Variants in UBE3C observed in about 807,000 individuals in gnomAD.
The protein encoded by UBE3C is ubiquitin protein ligase E3C.
Under a neutral mutation model 129.4 loss-of-function variants are expected in UBE3C, and 42 were observed. That is an observed-to-expected ratio of 0.32 (90% CI 0.25 to 0.42). UBE3C has a LOEUF of 0.42. Ranked by LOEUF, UBE3C falls within the 10% of genes least tolerant of loss-of-function variation. UBE3C has a pLI of 1.00. For missense variants in UBE3C, 1,049 were observed against 1,319.1 expected (o/e 0.80, Z 3.17); for synonymous variants, 510 against 492.4 (o/e 1.04, Z -0.47).
At chr7:157,159,087 A>G (rs976644949) in intron 1 of UBE3C, among the ~76,000 whole-genome samples, 1 of 152,210 alleles carries the variant, frequency 6.6e-6, no homozygotes, top group Non-Finnish European at 1.5e-5. Context: ...GGCGGTAACT[A>G]CCAGCACCCA....
chr7:157,156,300 C>CTTTTTTTTTT (rs1173730075), intron 1 of UBE3C, among the ~76,000 whole-genome samples: 4 of 85,886 alleles, frequency 4.7e-5, no homozygotes, highest in East Asian at 3.4e-4. Flanking sequence ...ACCCCCAGTT[C>CTTTTTTTTTT]TTTTTTTTTT....
intron 18 of UBE3C, among the ~76,000 whole-genome samples, chr7:157,234,573 C>T (rs1048267813): frequency 6.6e-6 from 1 of 152,116 alleles, no homozygotes; most frequent in Non-Finnish European, 1.5e-5. Flanking sequence ...TAGAATAATT[C>T]CCCTTTATTT....
At chr7:157,162,384 G>A (rs975828867) in intron 1 of UBE3C, among the ~76,000 whole-genome samples, 7 of 151,708 alleles carry the variant, frequency 4.6e-5, no homozygotes, top group African/African-American at 1.5e-4. Flanking sequence ...TAGTAGAGAC[G>A]GGGTTTCACT....
At chr7:157,191,354 T>C (rs1808961490) in intron 10 of UBE3C, among the ~76,000 whole-genome samples, 2 of 152,244 alleles carry the variant, frequency 1.3e-5, no homozygotes, top group South Asian at 4.1e-4. Context: ...TGCCGTGGCG[T>C]GATCTCAGCT....
chr7:157,155,095 A>G (rs962927909), intron 1 of UBE3C, among the ~76,000 whole-genome samples: 2 of 152,170 alleles, frequency 1.3e-5, no homozygotes, highest in Non-Finnish European at 2.9e-5. Context: ...ATGCACCTGT[A>G]AGTATGTTTT....
intron 22 of UBE3C, among the ~76,000 whole-genome samples, chr7:157,263,521 A>G (rs1340945835): frequency 6.6e-6 from 1 of 152,068 alleles, no homozygotes; most frequent in Non-Finnish European, 1.5e-5. Context: ...AAAATTAGCT[A>G]GGTGTGATGA....
intron 4 of UBE3C, among the ~76,000 whole-genome samples, chr7:157,171,916 A>T (rs1414795312): frequency 8.6e-5 from 13 of 151,046 alleles, no homozygotes; most frequent in Non-Finnish European, 1.9e-4. Flanking sequence ...CATGTTGGGC[A>T]GGCTGGTCTC....
intron 18 of UBE3C, among the ~76,000 whole-genome samples, chr7:157,234,674 C>T (rs372374777): frequency 6.6e-6 from 1 of 152,310 alleles, no homozygotes; most frequent in Admixed American, 6.5e-5. Context: ...TGAGAAAGGG[C>T]TCCAACCTGA....
intron 18 of UBE3C, among the ~76,000 whole-genome samples, chr7:157,239,137 A>T (rs1182396): frequency 6.6e-6 from 1 of 152,000 alleles, no homozygotes; most frequent in South Asian, 2.1e-4. Context: ...TGTACCTATT[A>T]ATTAGAATAC....
intron 14 of UBE3C, among the ~76,000 whole-genome samples, chr7:157,218,490 G>A (rs773261205): frequency 1.5e-4 from 23 of 152,072 alleles, no homozygotes; most frequent in Non-Finnish European, 3.1e-4. Flanking sequence ...AATATTCGAG[G>A]AGAGAAAACA....
At chr7:157,218,433 A>T (rs1795640984) in intron 14 of UBE3C, among the ~76,000 whole-genome samples, 2 of 152,150 alleles carry the variant, frequency 1.3e-5, no homozygotes, top group South Asian at 2.1e-4. Context: ...TGGGCGACAG[A>T]GCAAGATTCC....
intron 5 of UBE3C, among the ~76,000 whole-genome samples, chr7:157,177,314 C>G (rs1032048583): frequency 1.4e-4 from 22 of 152,138 alleles, no homozygotes; most frequent in African/African-American, 5.1e-4. Flanking sequence ...AGAGTCTGTT[C>G]AAATCTTTTA....
chr7:157,216,777 T>C lies in UBE3C; in HGVS notation c.1810-90T>C. 4 of 1,021,174 alleles carry C rather than the reference T, an allele frequency of 3.9e-6. No individual in the cohort carries two copies. The Admixed American group carries it at 8.8e-5, about 23-fold the overall frequency. The allele number at this position is 1,021,174 out of a possible 1,614,324, so 63.3% of individuals were successfully genotyped here. On this transcript the variant is annotated intron_variant, in intron 13 of 22. Coordinates refer to ENST00000348165, the MANE Select transcript of UBE3C (RefSeq NM_014671.3). ...TCGACCTGGGTTCCTGCACCACCGCTGTGTGCTCCTCCTCGAGTGAATGTA... is the reference window on the plus strand; with the variant it reads ...TCGACCTGGGTTCCTGCACCACCGCCGTGTGCTCCTCCTCGAGTGAATGTA...
intron 1 of UBE3C, among the ~76,000 whole-genome samples, chr7:157,148,490 C>T (rs796588900): frequency 6.6e-5 from 10 of 151,978 alleles, no homozygotes; most frequent in African/African-American, 2.4e-4. Flanking sequence ...TGTAAAACTG[C>T]CCTCTATTAT....
intron 17 of UBE3C, among the ~76,000 whole-genome samples, chr7:157,226,870 TTG>T (rs1795894141): frequency 1.3e-5 from 2 of 152,126 alleles, no homozygotes; most frequent in South Asian, 4.1e-4. Flanking sequence ...GCCTAGCAGA[TTG>T]TGTTTTCAGA....
In UBE3C at chr7:157,230,973, T is replaced by C; in HGVS notation, c.2234-107T>C. ...CTGTTTTGAGTCCTATGTTAAAATGTCCCTAAGATCCTCACACCCCTTCCT... is the reference window on the plus strand; with the variant it reads ...CTGTTTTGAGTCCTATGTTAAAATGCCCCTAAGATCCTCACACCCCTTCCT... On this transcript the variant is annotated intron_variant, in intron 17 of 22. Coordinates refer to ENST00000348165, the MANE Select transcript of UBE3C (RefSeq NM_014671.3). The C allele has an allele frequency of 2.8e-6, 4 of 1,437,286 alleles. No homozygotes were observed. The East Asian group carries it at 9.1e-5, about 33-fold the overall frequency. 89.0% of individuals were successfully genotyped at this position (1,437,286 alleles called of 1,614,324 possible).
At chr7:157,258,646 G>A (rs2116703882) in intron 22 of UBE3C, among the ~76,000 whole-genome samples, 1 of 152,166 alleles carries the variant, frequency 6.6e-6, no homozygotes, top group East Asian at 1.9e-4. Context: ...TTTTAGTAGA[G>A]ACGGGGTTTC....
intron 19 of UBE3C, among the ~76,000 whole-genome samples, chr7:157,249,249 C>T (rs1392826992): frequency 6.6e-6 from 1 of 152,112 alleles, no homozygotes; most frequent in East Asian, 1.9e-4. Flanking sequence ...GCTCCCCCAC[C>T]TCCCGCAGGC....
rs1044745745 is a variant in UBE3C at position 157,269,059 on chromosome 7, T to C, written c.*1304T>C. 4 of 152,650 alleles carry C rather than the reference T, an allele frequency of 2.6e-5. No homozygotes were observed. The highest frequency in any genetic ancestry group is 5.9e-5 in the Non-Finnish European group (4 of 68,044). The allele number at this position is 152,650 out of a possible 1,614,324, so 9.5% of individuals were successfully genotyped here. On this transcript the variant is annotated 3_prime_UTR_variant, in exon 23 of 23. Transcript: ENST00000348165. ...ATGACACTTTTAAGACAATGAACAT[T>C]ATCAAAACAAAATGTATAATTTCTT...
Sources: gnomAD v4.1 joint callset for allele counts (sites outside exome capture counted in the v4.1 genomes callset) on GRCh38, gnomAD v4.1.1 for gene constraint, MANE v1.5 for transcripts, NCBI Gene and HGNC (gene_info 2026-07-23, HGNC 2026-07-21) for gene names.